The following SUSD5 variants were observed in gnomAD, a reference collection of about 807,000 sequenced individuals.
The protein encoded by SUSD5 is sushi domain containing 5, also known as sushi domain-containing protein 5.
SUSD5 carries 33 observed loss-of-function variants against 29.5 expected under a neutral mutation model. That is an observed-to-expected ratio of 1.12 (90% CI 0.85 to 1.49). The LOEUF (loss-of-function observed/expected upper bound fraction) is 1.49, where lower values mean the gene tolerates loss of function less well. Among genes scored for constraint, SUSD5 ranks in the 40% most tolerant of loss-of-function variants. The probability of loss-of-function intolerance (pLI) is 0.00; values close to 1 mark genes in which losing one functional copy is unlikely to be tolerated. For missense variants in SUSD5, 776 were observed against 800.6 expected (o/e 0.97, Z 0.37); for synonymous variants, 308 against 325.3 (o/e 0.95, Z 0.57).
At chr3:33,194,224 C>T (rs1188783416) in intron 3 of SUSD5, among the ~76,000 whole-genome samples, 1 of 152,134 alleles carries the variant, frequency 6.6e-6, no homozygotes, top group Non-Finnish European at 1.5e-5. Context: ...CATTCTCTTG[C>T]CCCCTACCCA....
intron 3 of SUSD5, among the ~76,000 whole-genome samples, chr3:33,194,427 G>A (rs938765181): frequency 6.6e-6 from 1 of 152,178 alleles, no homozygotes; most frequent in Non-Finnish European, 1.5e-5. Flanking sequence ...GGTTACAAGG[G>A]GAGATGAGGG....
At chr3:33,163,112 T>A (rs774629744) in intron 4 of SUSD5, among the ~76,000 whole-genome samples, 20 of 152,076 alleles carry the variant, frequency 1.3e-4, no homozygotes, top group Non-Finnish European at 2.5e-4. Context: ...CATCAAATGT[T>A]TAAGAGGATA....
Position 33,153,026 on chromosome 3 carries a change from G to A in SUSD5, c.1606C>T (p.Leu536=). 1 of 1,613,794 alleles carries A rather than the reference G, an allele frequency of 6.2e-7. No homozygotes were observed. Among genetic ancestry groups the A allele is most frequent in the East Asian group, 2.2e-5 (1 of 44,872 alleles). ...TGTCCAAAGAAGTCTTCAGACAGCA[G>A]GTATGGGAAGCTATCCTGGATCTCA... ...VPEIQDSFPY[L]LSEDFFGQEG... Residue 536 remains leucine (L), a synonymous_variant, in exon 5 of 5, where the codon CTG becomes TTG. Transcript: ENST00000309558.
chr3:33,198,751 C>G (rs2032043975), intron 3 of SUSD5, among the ~76,000 whole-genome samples: 1 of 152,202 alleles, frequency 6.6e-6, no homozygotes, highest in Non-Finnish European at 1.5e-5. Context: ...TCTGACATGG[C>G]TATGCAGTCT....
At chr3:33,218,170 C>T (rs2032457881) in intron 1 of SUSD5, among the ~76,000 whole-genome samples, 1 of 152,182 alleles carries the variant, frequency 6.6e-6, no homozygotes, top group Non-Finnish European at 1.5e-5. Context: ...CAGAGACAGC[C>T]TTTGCACGTG....
At chr3:33,181,307 C>A (rs548339837) in intron 3 of SUSD5, among the ~76,000 whole-genome samples, 1 of 151,638 alleles carries the variant, frequency 6.6e-6, no homozygotes, top group South Asian at 2.1e-4. Context: ...TCCAGTGCTG[C>A]AAGCGCCATG....
intron 3 of SUSD5, among the ~76,000 whole-genome samples, chr3:33,176,289 A>C (rs1324845954): frequency 6.6e-6 from 1 of 152,252 alleles, no homozygotes; most frequent in Non-Finnish European, 1.5e-5. Context: ...GCAACAATGA[A>C]TAAAGCTGCT....
At chr3:33,166,741 A>T (rs1221823828) in intron 4 of SUSD5, among the ~76,000 whole-genome samples, 1 of 152,234 alleles carries the variant, frequency 6.6e-6, no homozygotes, top group Non-Finnish European at 1.5e-5. Flanking sequence ...TGTGAATTAC[A>T]GTTTTTACAA....
rs1480497534 is a variant in SUSD5, at chr3:33,213,986, C to G, written c.232G>C (p.Val78Leu). Residue 78 changes from valine to leucine, a missense_variant, in exon 2 of 5, where the codon GTA becomes CTA. Val to Leu is a conservative substitution (Grantham distance 32). Transcript: ENST00000309558. ...LASADELRRV[V>L]QDCSFAVCTT... ...CACACCGCAAAGGAGCAATCCTGTACCACTCTCCGCAGCTCGTCTGCAGAT... is the reference window on the plus strand; with the variant it reads ...CACACCGCAAAGGAGCAATCCTGTAGCACTCTCCGCAGCTCGTCTGCAGAT... 2 of 1,613,634 alleles carry G rather than the reference C, an allele frequency of 1.2e-6. No individual in the cohort carries two copies. The highest frequency in any genetic ancestry group is 1.3e-5 in the African/African-American group (1 of 74,924).
Position 33,204,620 on chromosome 3 carries a change from C to CTGTTTTGTTT in SUSD5, c.409+3187_409+3188insAAACAAAACA, listed in dbSNP as rs1467494421. On this transcript the variant is annotated intron_variant, in intron 3 of 4. Coordinates refer to ENST00000309558, the MANE Select transcript of SUSD5 (RefSeq NM_015551.2). This position sits in a 1 kb window ranked among gnomAD's most constrained non-coding sequence, Gnocchi z 4.5. ...ACAGGCTTGAGCCACCACACCCGGCCTGTTTTATTTTGTTTTGTTTTGTTT... is the reference window on the plus strand; with the variant it reads ...ACAGGCTTGAGCCACCACACCCGGCCTGTTTTGTTTTGTTTTATTTTGTTTTGTTTTGTTT... 1.5e-5 allele frequency among the ~76,000 whole-genome samples: 2 copies of CTGTTTTGTTT among 131,082 alleles called. No individual in the cohort carries two copies. The highest frequency in any genetic ancestry group is 2.9e-5 in the African/African-American group (1 of 34,142). 86.0% of individuals were successfully genotyped at this position (131,082 alleles called of 152,430 possible). A position where few individuals can be genotyped will look rare whatever the true frequency, so the allele number is the denominator to read the frequency against.
At chr3:33,154,438 G>A (rs979950945) in intron 4 of SUSD5, among the ~76,000 whole-genome samples, 2 of 152,120 alleles carry the variant, frequency 1.3e-5, no homozygotes, top group African/African-American at 2.4e-5. Flanking sequence ...CATGAGAATC[G>A]CTTGAACCCG....
chr3:33,205,548 T>C (rs377206556), intron 3 of SUSD5, among the ~76,000 whole-genome samples: 58 of 152,316 alleles, frequency 3.8e-4, no homozygotes, highest in South Asian at 1.0e-3. Context: ...TATCATGACA[T>C]TGACTTTGGT....
intron 4 of SUSD5, among the ~76,000 whole-genome samples, chr3:33,165,475 A>C (rs1190503430): frequency 6.6e-6 from 1 of 152,200 alleles, no homozygotes; most frequent in Non-Finnish European, 1.5e-5. Flanking sequence ...ACTGAACTCT[A>C]TAATATTTGA....
intron 3 of SUSD5, among the ~76,000 whole-genome samples, chr3:33,191,670 T>G (rs532940061): frequency 6.6e-6 from 1 of 152,070 alleles, no homozygotes; most frequent in South Asian, 2.1e-4. Flanking sequence ...GCTGGCTGGG[T>G]GCAGTGGCTC....
At chr3:33,175,707 C>G (rs1390952898) in intron 3 of SUSD5, among the ~76,000 whole-genome samples, 3 of 151,880 alleles carry the variant, frequency 2.0e-5, no homozygotes, top group Non-Finnish European at 4.4e-5. Context: ...TTTTTAGGTT[C>G]ACATCAAAGT....
rs913629965 is a variant in SUSD5, at chr3:33,211,024, C to T, written c.290+2904G>A. On this transcript the variant is annotated intron_variant, in intron 2 of 4. Coordinates refer to ENST00000309558, the MANE Select transcript of SUSD5 (RefSeq NM_015551.2). ...GAGTAGCTGGGACTACAGGCACACA[C>T]CACCATGCCCAGCTAAGTTTTGTAT... Among the ~76,000 whole-genome samples the T allele has an allele frequency of 3.6e-4, 55 of 152,142 alleles. 1 individual carries two copies. The highest frequency in any genetic ancestry group is 1.2e-3 in the African/African-American group (50 of 41,424).
At chr3:33,180,849 ATT>A (rs1259692099) in intron 3 of SUSD5, among the ~76,000 whole-genome samples, 1 of 116,262 alleles carries the variant, frequency 8.6e-6, no homozygotes, top group South Asian at 3.2e-4. Flanking sequence ...CAAAAAAAAA[ATT>A]TTTTTTTTTT....
intron 3 of SUSD5, among the ~76,000 whole-genome samples, chr3:33,194,327 G>A (rs554509704): frequency 1.2e-4 from 18 of 152,230 alleles, no homozygotes; most frequent in Admixed American, 3.9e-4. Flanking sequence ...CTGGCTCTAC[G>A]GGTATTAAAC....
chr3:33,218,543 G>T, intron 1 of SUSD5, 143 bp downstream of exon 1: 1 of 747,880 alleles, frequency 1.3e-6, no homozygotes, highest in Non-Finnish European at 1.8e-6. Context: ...ATGCTGGGTC[G>T]CAGGACCGCG....
Sources: gnomAD v4.1 joint callset for allele counts (sites outside exome capture counted in the v4.1 genomes callset) on GRCh38, gnomAD v4.1.1 for gene constraint, Gnocchi (gnomAD v3.1) non-coding constraint, MANE v1.5 for transcripts, NCBI Gene and HGNC (gene_info 2026-07-23, HGNC 2026-07-21) for gene names.